The following SOX5 variants were observed in gnomAD, a reference collection of about 807,000 sequenced individuals.
SOX5 encodes the protein SRY-box transcription factor 5, also known as transcription factor SOX-5.
Under a neutral mutation model 92.0 loss-of-function variants are expected in SOX5, and 9 were observed. The observed-to-expected ratio is 0.10, with a 90% CI of 0.06 to 0.17. The LOEUF is 0.17. Among genes scored for constraint, SOX5 ranks in the 10% least tolerant of loss-of-function variants. SOX5 has a pLI of 1.00. For synonymous variants in SOX5, 344 were observed against 336.3 expected (o/e 1.02, Z -0.25); for missense variants, 642 against 944.5 (o/e 0.68, Z 4.20).
intron 2 of SOX5, among the ~76,000 whole-genome samples, chr12:23,858,057 T>C (rs1327088975): frequency 7.6e-6 from 1 of 131,410 alleles, no homozygotes; most frequent in Non-Finnish European, 1.7e-5. Context: ...ATTTGTAATT[T>C]AATATGCCTG....
chr12:24,180,512 T>C (rs1955370786), intron 4 of SOX5, among the ~76,000 whole-genome samples: 1 of 152,278 alleles, frequency 6.6e-6, no homozygotes, highest in East Asian at 1.9e-4. Context: ...TGTACAGACC[T>C]TTCCCAGCAT....
intron 1 of SOX5, among the ~76,000 whole-genome samples, chr12:24,437,291 C>T (rs1431544261): frequency 6.6e-6 from 1 of 152,044 alleles, no homozygotes; most frequent in East Asian, 1.9e-4. Flanking sequence ...AAACTGGACC[C>T]CTCCCTCACA....
Position 23,928,729 on chromosome 12 carries a change from G to A in SOX5, c.38+20835C>T, listed in dbSNP as rs184519051. Among the ~76,000 whole-genome samples, 19 of 151,760 alleles carry A rather than the reference G, an allele frequency of 1.3e-4. No homozygotes were observed. In the East Asian group the frequency reaches 3.5e-3, roughly 28 times the overall value. On this transcript the variant is annotated intron_variant, in intron 1 of 14. Transcript: ENST00000451604. Reference sequence around the variant, plus strand: ...GGAAATATACCACTTTCAAATTCCTGACTTTTAATTTTTAAAAAGTTATAA... The same window carrying A: ...GGAAATATACCACTTTCAAATTCCTAACTTTTAATTTTTAAAAAGTTATAA...
At chr12:24,330,439 G>C (rs975370100) in intron 2 of SOX5, among the ~76,000 whole-genome samples, 5 of 152,224 alleles carry the variant, frequency 3.3e-5, no homozygotes, top group African/African-American at 7.2e-5. Flanking sequence ...CAGTGACAGA[G>C]AGAGAGGAAA....
intron 4 of SOX5, among the ~76,000 whole-genome samples, chr12:24,006,495 C>A (rs544389871): frequency 6.6e-6 from 1 of 152,142 alleles, no homozygotes; most frequent in South Asian, 2.1e-4. Flanking sequence ...GCATAAGTCA[C>A]TCAGTCCCTT....
At chr12:23,971,496 T>G (rs1948336112) in intron 4 of SOX5, among the ~76,000 whole-genome samples, 1 of 151,016 alleles carries the variant, frequency 6.6e-6, no homozygotes, top group South Asian at 2.1e-4. Flanking sequence ...CACTACCCCA[T>G]TGCCTACAGT....
intron 1 of SOX5, among the ~76,000 whole-genome samples, chr12:24,515,120 A>G (rs549432882): frequency 6.6e-6 from 1 of 152,220 alleles, no homozygotes; most frequent in Non-Finnish European, 1.5e-5. Flanking sequence ...TTTTAGTAAT[A>G]TAGGAATTGA....
intron 4 of SOX5, among the ~76,000 whole-genome samples, chr12:24,119,696 A>C (rs1948424065): frequency 6.6e-6 from 1 of 152,158 alleles, no homozygotes; most frequent in Non-Finnish European, 1.5e-5. Context: ...GTATTATTAA[A>C]GAATAATTTA....
intron 1 of SOX5, among the ~76,000 whole-genome samples, chr12:23,944,842 G>T (rs1376209122): frequency 6.6e-6 from 1 of 152,112 alleles, no homozygotes; most frequent in Non-Finnish European, 1.5e-5. Context: ...TTATCTTACT[G>T]CCATCATCTG....
chr12:23,890,942 C>T lies in SOX5; in HGVS notation c.270+4851G>A, dbSNP rs141295167. Among the ~76,000 whole-genome samples, 4 of 152,200 alleles carry T rather than the reference C, an allele frequency of 2.6e-5. No homozygotes were observed. In the East Asian group the frequency reaches 5.8e-4, roughly 22 times the overall value. ...TACTTTCACATTGCTTTCAACTGTGCGAAGATTATATGAGAATCAAATGTT... is the reference window on the plus strand; with the variant it reads ...TACTTTCACATTGCTTTCAACTGTGTGAAGATTATATGAGAATCAAATGTT... On this transcript the variant is annotated intron_variant, in intron 2 of 14. Coordinates refer to ENST00000451604, the MANE Select transcript of SOX5 (RefSeq NM_006940.6).
At chr12:23,707,702 G>T (rs994038024) in intron 6 of SOX5, among the ~76,000 whole-genome samples, 11 of 151,886 alleles carry the variant, frequency 7.2e-5, no homozygotes, top group Admixed American at 2.0e-4. Context: ...TCATTTTAAG[G>T]TTACATTTTC....
At chr12:24,291,327 G>A (rs753957342) in intron 2 of SOX5, among the ~76,000 whole-genome samples, 30 of 152,160 alleles carry the variant, frequency 2.0e-4, no homozygotes, top group Non-Finnish European at 1.0e-4. Context: ...CAACATCAAC[G>A]TTCCAAAGGC....
At chr12:23,796,246 A>G (rs2095559485) in intron 3 of SOX5, among the ~76,000 whole-genome samples, 1 of 152,104 alleles carries the variant, frequency 6.6e-6, no homozygotes, top group African/African-American at 2.4e-5. Context: ...AAACATTGCA[A>G]TGTAACATTG....
At chr12:24,457,528 G>C (rs950973197) in intron 1 of SOX5, among the ~76,000 whole-genome samples, 16 of 152,130 alleles carry the variant, frequency 1.1e-4, no homozygotes, top group Admixed American at 8.5e-4. Context: ...TTGTGGGACT[G>C]TGTTTTCATA....
intron 3 of SOX5, among the ~76,000 whole-genome samples, chr12:24,268,577 A>G (rs1237041612): frequency 6.6e-6 from 1 of 152,218 alleles, no homozygotes; most frequent in Admixed American, 6.5e-5. Context: ...ATGAATTATT[A>G]AGAAACAAAG....
chr12:23,609,153 G>A (rs11047002), intron 8 of SOX5, among the ~76,000 whole-genome samples: 6,149 of 152,232 alleles, frequency 0.04, 458 homozygotes, highest in African/African-American at 0.14. Context: ...GTTGCTGCAA[G>A]GGAAATATAG....
chr12:23,706,760 T>C (rs530882968), intron 6 of SOX5, among the ~76,000 whole-genome samples: 1 of 152,036 alleles, frequency 6.6e-6, no homozygotes, highest in Non-Finnish European at 1.5e-5. Context: ...ATATTAACCA[T>C]AGAGAACTTT....
chr12:24,121,567 CT>C (rs11286069), intron 4 of SOX5, among the ~76,000 whole-genome samples: 42,579 of 106,090 alleles, frequency 0.4, 7,141 homozygotes, highest in East Asian at 0.55. Flanking sequence ...AAATGGCTAA[CT>C]TTTTTTTTTT....
chr12:24,139,386 G>C (rs367851159), intron 4 of SOX5, among the ~76,000 whole-genome samples: 9 of 152,226 alleles, frequency 5.9e-5, no homozygotes, highest in South Asian at 4.2e-4. Flanking sequence ...GCCCATTACT[G>C]TCTGGGCACA....
Sources: allele counts gnomAD v4.1 joint callset (sites outside exome capture counted in the v4.1 genomes callset), GRCh38; gene constraint gnomAD v4.1.1; transcripts MANE v1.5; gene names NCBI Gene and HGNC (gene_info 2026-07-23, HGNC 2026-07-21).